CDH22: variants seen among roughly 807,000 people sequenced by gnomAD.
The protein encoded by CDH22 is cadherin 22, also known as cadherin-22.
A neutral mutation model predicts 58.4 loss-of-function variants in CDH22; 30 were observed. The ratio of observed to expected loss-of-function variants is 0.51; its 90% CI spans 0.38 to 0.70. The LOEUF is 0.70. Among genes scored for constraint, CDH22 ranks in the 30% least tolerant of loss-of-function variants. CDH22 has a pLI of 0.00. For missense variants in CDH22, 1,014 were observed against 1,233.9 expected (o/e 0.82, Z 2.67); for synonymous variants, 513 against 558.2 (o/e 0.92, Z 1.14).
chr20:46,215,976 T>C (rs1220546859), intron 5 of CDH22, among the ~76,000 whole-genome samples: 3 of 152,120 alleles, frequency 2.0e-5, no homozygotes, highest in African/African-American at 7.2e-5. Flanking sequence ...GCTGAGGCTG[T>C]AGGCCACAAT....
chr20:46,252,929 G>A (rs576730568), intron 1 of CDH22, among the ~76,000 whole-genome samples: 4 of 152,368 alleles, frequency 2.6e-5, no homozygotes, highest in African/African-American at 9.6e-5. Context: ...CTTCTTGGAG[G>A]AGGCGGCATC....
At chr20:46,212,078 T>C (rs1250698139) in intron 6 of CDH22, among the ~76,000 whole-genome samples, 3 of 152,206 alleles carry the variant, frequency 2.0e-5, no homozygotes, top group African/African-American at 7.2e-5. Context: ...GGGCATTTTG[T>C]CTATCCTCAA....
chr20:46,282,269 G>T (rs1265198737), intron 1 of CDH22, among the ~76,000 whole-genome samples: 1 of 152,218 alleles, frequency 6.6e-6, no homozygotes, highest in Non-Finnish European at 1.5e-5. Flanking sequence ...AGTTTGGCAG[G>T]TTAGATTCCA....
intron 5 of CDH22, among the ~76,000 whole-genome samples, chr20:46,213,845 A>G (rs1271782313): frequency 6.6e-6 from 1 of 152,228 alleles, no homozygotes; most frequent in Non-Finnish European, 1.5e-5. Flanking sequence ...AAAATGGACC[A>G]AAATCTCAGC....
At chr20:46,296,376 G>T (rs1416082573) in intron 1 of CDH22, among the ~76,000 whole-genome samples, 1 of 152,214 alleles carries the variant, frequency 6.6e-6, no homozygotes, top group Non-Finnish European at 1.5e-5. Flanking sequence ...GTAAACAGAG[G>T]CTCAGAAAGT....
chr20:46,199,473 T>G lies in CDH22; in HGVS notation c.1373A>C (p.Asp458Ala), dbSNP rs2085938002. The change falls in exon 8 of 12, where the codon GAC becomes GCC. Residue 458 changes from aspartate (D) to alanine (A), a missense_variant. By Grantham distance (126) the Asp-to-Ala change is moderately radical. Coordinates refer to ENST00000537909, the MANE Select transcript of CDH22 (RefSeq NM_021248.3). ...GTTGTGCCAGCCGGCCGTCTCGCGG[T>G]CCAGCCCCTTGCCAGTCACGATGGC... ...TGAIVTGKGL[D>A]RETAGWHNIT... 1 of 1,613,856 alleles carries G rather than the reference T, an allele frequency of 6.2e-7. No homozygotes were observed. The highest frequency in any genetic ancestry group is 1.3e-5 in the African/African-American group (1 of 75,040).
Position 46,216,969 on chromosome 20 carries a change from T to C in CDH22, c.695A>G (p.Asp232Gly). The C allele has an allele frequency of 6.2e-7, 1 of 1,600,594 alleles. No individual in the cohort carries two copies. Among genetic ancestry groups the C allele is most frequent in the Non-Finnish European group, 8.5e-7 (1 of 1,169,902 alleles). The change falls in exon 5 of 12, where the codon GAC becomes GGC. Residue 232 changes from aspartate (D) to glycine (G), a missense_variant. By Grantham distance (94) the Asp-to-Gly change is moderately conservative (BLOSUM62 -1). Coordinates refer to ENST00000537909, the MANE Select transcript of CDH22 (RefSeq NM_021248.3). The surrounding 1 kb of genome is among the most constrained non-coding windows in gnomAD (Gnocchi z 5.3). ...GCGCTCCTGGCTCTCGCGGTCAAGG[T>C]CAGGCACAGCCGTCCGGATTACGCC... is the stretch of plus-strand genomic sequence containing the variant. ...KTGVIRTAVP[D>G]LDRESQERYE...
chr20:46,191,876 C>A (rs2085863818), intron 8 of CDH22, among the ~76,000 whole-genome samples: 1 of 152,156 alleles, frequency 6.6e-6, no homozygotes, highest in South Asian at 2.1e-4. Flanking sequence ...GTCCCCCATG[C>A]CCACAAGGCC....
chr20:46,185,831 C>A (rs541815218), intron 10 of CDH22, among the ~76,000 whole-genome samples: 46 of 152,306 alleles, frequency 3.0e-4, no homozygotes, highest in Middle Eastern at 3.4e-3. Flanking sequence ...CACCACTGCA[C>A]TGCTGCCTGG....
intron 7 of CDH22, among the ~76,000 whole-genome samples, chr20:46,199,828 TGTC>T (rs2085941928): frequency 6.6e-6 from 1 of 152,224 alleles, no homozygotes; most frequent in Admixed American, 6.5e-5. Flanking sequence ...TACCTGCAGT[TGTC>T]GTGAGGGTTG....
chr20:46,272,609 T>C (rs560387791), intron 1 of CDH22, among the ~76,000 whole-genome samples: 1 of 152,278 alleles, frequency 6.6e-6, no homozygotes, highest in East Asian at 1.9e-4. Flanking sequence ...CAAGAGACTG[T>C]CATGGAAACC....
Position 46,174,129 on chromosome 20 carries a change from G to T in CDH22, c.*377C>A. On this transcript the variant is annotated 3_prime_UTR_variant, in exon 12 of 12. Coordinates refer to ENST00000537909, the MANE Select transcript of CDH22 (RefSeq NM_021248.3). This position sits in a 1 kb window ranked among gnomAD's most constrained non-coding sequence, Gnocchi z 4.4. ...CTTCTTTCCTCTTAACTCTGATGGGGGAAACCTGGGGTGGGGGCATCTCAG... is the reference window on the plus strand; with the variant it reads ...CTTCTTTCCTCTTAACTCTGATGGGTGAAACCTGGGGTGGGGGCATCTCAG... The T allele has an allele frequency of 3.6e-6, 1 of 277,918 alleles. No individual in the cohort carries two copies. Among genetic ancestry groups the T allele is most frequent in the Non-Finnish European group, 6.7e-6 (1 of 150,254 alleles). The allele number at this position is 277,918 out of a possible 1,614,324, so 17.2% of individuals were successfully genotyped here.
In CDH22 at chr20:46,216,937, C is replaced by T. The variant is rs764199137; in HGVS notation, c.727G>A (p.Val243Met). 2 of 1,608,560 alleles carry T rather than the reference C, an allele frequency of 1.2e-6. No individual in the cohort carries two copies. Among genetic ancestry groups the T allele is most frequent in the Non-Finnish European group, 8.5e-7 (1 of 1,175,680 alleles). The change falls in exon 5 of 12, where the codon GTG becomes ATG. Residue 243 changes from valine (V) to methionine (M), a missense_variant. This residue lies in a region of CDH22 where 806 missense variants were observed against 1,038.7 expected (regional missense o/e 0.78). Transcript: ENST00000537909. The surrounding 1 kb of genome is among the most constrained non-coding windows in gnomAD (Gnocchi z 5.3). ...GCCATGTCTGTGGCCTGGATCACCACCTCGTAGCGCTCCTGGCTCTCGCGG... is the reference window on the plus strand; with the variant it reads ...GCCATGTCTGTGGCCTGGATCACCATCTCGTAGCGCTCCTGGCTCTCGCGG... The part of the protein sequence containing the change: ...LDRESQERYE[V>M]VIQATDMAGQ...
chr20:46,301,031 A>C (rs1051366036), intron 1 of CDH22, among the ~76,000 whole-genome samples: 1 of 152,184 alleles, frequency 6.6e-6, no homozygotes, highest in Non-Finnish European at 1.5e-5. Flanking sequence ...GGGTGAAAAA[A>C]AGCAGGTTAC....
intron 1 of CDH22, among the ~76,000 whole-genome samples, chr20:46,303,899 A>C (rs936818733): frequency 3.3e-5 from 5 of 152,152 alleles, no homozygotes; most frequent in African/African-American, 1.2e-4. Context: ...TGGTTGCCGC[A>C]GGGGTTGCAG....
At chr20:46,295,597 G>A (rs796449753) in intron 1 of CDH22, among the ~76,000 whole-genome samples, 16 of 152,286 alleles carry the variant, frequency 1.1e-4, no homozygotes, top group African/African-American at 3.9e-4. Flanking sequence ...CAGCTAGGAA[G>A]GGGGGCAGCT....
intron 8 of CDH22, among the ~76,000 whole-genome samples, chr20:46,194,599 GCA>G (rs111849826): frequency 9.6e-4 from 146 of 152,286 alleles, no homozygotes; most frequent in African/African-American, 3.2e-3. Context: ...TGTGTGTCAG[GCA>G]CACAGTAGGC....
intron 1 of CDH22, among the ~76,000 whole-genome samples, chr20:46,262,072 T>G (rs2086435572): frequency 6.6e-6 from 1 of 152,066 alleles, no homozygotes; most frequent in Non-Finnish European, 1.5e-5. Flanking sequence ...TACTAGGTGC[T>G]CAATAAGTGT....
chr20:46,186,762 G>A lies in CDH22; in HGVS notation c.1546-57C>T, dbSNP rs1184911914. ...GGTGAGGCTGAGACCACTCTGGGTC[G>A]AGGTAGAGGATGCTGCTGGCCAGTC... On this transcript the variant is annotated intron_variant, in intron 9 of 11. Coordinates refer to ENST00000537909, the MANE Select transcript of CDH22 (RefSeq NM_021248.3). 12 of 1,600,528 alleles carry A rather than the reference G, an allele frequency of 7.5e-6. No homozygotes were observed. In the Admixed American group the frequency reaches 1.0e-4, roughly 13 times the overall value.
Sources: allele counts gnomAD v4.1 joint callset (sites outside exome capture counted in the v4.1 genomes callset), GRCh38; gene constraint gnomAD v4.1.1; regional missense constraint gnomAD v4.1.1; non-coding constraint Gnocchi (gnomAD v3.1); transcripts MANE v1.5; gene names NCBI Gene and HGNC (gene_info 2026-07-23, HGNC 2026-07-21).